DRD2: variants seen among roughly 807,000 people sequenced by gnomAD.
DRD2 encodes the protein D(2) dopamine receptor.
A neutral mutation model predicts 38.0 loss-of-function variants in DRD2; 8 were observed. The ratio of observed to expected loss-of-function variants is 0.21; its 90% CI spans 0.12 to 0.38. The LOEUF (loss-of-function observed/expected upper bound fraction) is 0.38. DRD2 is among the 10% of genes least tolerant of loss of function. The probability of loss-of-function intolerance (pLI) is 1.00; values close to 1 mark genes in which losing one functional copy is unlikely to be tolerated. For missense variants in DRD2, 403 were observed against 607.7 expected (o/e 0.66, Z 3.54); for synonymous variants, 230 against 238.6 (o/e 0.96, Z 0.33).
chr11:113,461,594 A>G (rs1446829342), intron 1 of DRD2, among the ~76,000 whole-genome samples: 1 of 152,236 alleles, frequency 6.6e-6, no homozygotes, highest in East Asian at 1.9e-4. Flanking sequence ...TGTGTGAGGC[A>G]TGGTGAGAGT....
At chr11:113,433,091 G>A (rs1387142563) in intron 1 of DRD2, among the ~76,000 whole-genome samples, 5 of 152,142 alleles carry the variant, frequency 3.3e-5, no homozygotes, top group African/African-American at 1.2e-4. Flanking sequence ...TGGAGCTGGG[G>A]TGTGGAGGGT....
In DRD2 at chr11:113,424,612, C is replaced by G; in HGVS notation, c.40G>C (p.Glu14Gln). The G allele has an allele frequency of 6.2e-7, 1 of 1,614,186 alleles. No homozygotes were observed. Among genetic ancestry groups the G allele is most frequent in the South Asian group, 1.1e-5 (1 of 91,082 alleles). ...LNLSWYDDDL[E>Q]RQNWSRPFNG... Reference sequence around the variant, plus strand: ...AAGGGCCGGCTCCAGTTCTGCCTCTCCAGATCATCATCATACCAGGACAGA... The same window carrying G: ...AAGGGCCGGCTCCAGTTCTGCCTCTGCAGATCATCATCATACCAGGACAGA... Residue 14 changes from glutamate to glutamine, a missense_variant, in exon 2 of 8, where the codon GAG becomes CAG. This residue lies in a region of DRD2 where 162 missense variants were observed against 254.5 expected (regional missense o/e 0.64). Transcript: ENST00000362072.
At chr11:113,465,536 T>C (rs1951360508) in intron 1 of DRD2, among the ~76,000 whole-genome samples, 1 of 152,174 alleles carries the variant, frequency 6.6e-6, no homozygotes, top group Non-Finnish European at 1.5e-5. Flanking sequence ...GAATCCAGTC[T>C]CCTACATAAG....
chr11:113,454,662 T>C (rs907598842), intron 1 of DRD2, among the ~76,000 whole-genome samples: 1 of 152,176 alleles, frequency 6.6e-6, no homozygotes, highest in African/African-American at 2.4e-5. Context: ...GGCACACCCA[T>C]GTTCACTGCA....
chr11:113,446,220 C>A (rs763039386), intron 1 of DRD2, among the ~76,000 whole-genome samples: 4 of 152,142 alleles, frequency 2.6e-5, no homozygotes, highest in Non-Finnish European at 4.4e-5. Flanking sequence ...AGTCACCCCA[C>A]CTCCATGGAT....
intron 1 of DRD2, among the ~76,000 whole-genome samples, chr11:113,452,435 C>CGTGTGTGTGTGT (rs759448996): frequency 5.4e-4 from 71 of 130,386 alleles, no homozygotes; most frequent in African/African-American, 1.1e-3. Flanking sequence ...GGTGTGCATG[C>CGTGTGTGTGTGT]GTGTGTGTGT....
At chr11:113,446,967 G>A (rs995022256) in intron 1 of DRD2, among the ~76,000 whole-genome samples, 1 of 152,230 alleles carries the variant, frequency 6.6e-6, no homozygotes, top group Non-Finnish European at 1.5e-5. Context: ...CTAACTTGCT[G>A]CTGTGGGCTT....
At chr11:113,417,930 C>A (rs779562208) in intron 3 of DRD2, 97 bp downstream of exon 3, 41 of 945,316 alleles carry the variant, frequency 4.3e-5, no homozygotes, top group Non-Finnish European at 6.2e-5. Context: ...AGCTGCACAG[C>A]ATCACAGACA....
At chr11:113,410,945 T>C (rs944868444) in intron 7 of DRD2, 25 bp from the exon 8 acceptor site, 2 of 1,597,254 alleles carry the variant, frequency 1.3e-6, no homozygotes, top group African/African-American at 2.7e-5. Context: ...ATGGTCAGGC[T>C]GGTCCCCAGA....
intron 1 of DRD2, among the ~76,000 whole-genome samples, chr11:113,444,778 C>T (rs183241763): frequency 3.1e-4 from 47 of 152,320 alleles, no homozygotes; most frequent in Admixed American, 1.6e-3. Context: ...ATTGTCCTCA[C>T]GGAGGCCACC....
At chr11:113,431,393 T>G (rs1191749886) in intron 1 of DRD2, among the ~76,000 whole-genome samples, 1 of 152,176 alleles carries the variant, frequency 6.6e-6, no homozygotes, top group African/African-American at 2.4e-5. Flanking sequence ...CTCTGAGGCC[T>G]CCTAGGCTTT....
intron 1 of DRD2, among the ~76,000 whole-genome samples, chr11:113,471,109 G>A (rs1452685173): frequency 6.6e-6 from 1 of 152,154 alleles, no homozygotes; most frequent in Non-Finnish European, 1.5e-5. Context: ...GAGTCTTATA[G>A]TTTTATTACT....
intron 1 of DRD2, among the ~76,000 whole-genome samples, chr11:113,442,928 C>G (rs892192872): frequency 1.3e-5 from 2 of 152,114 alleles, no homozygotes; most frequent in African/African-American, 4.8e-5. Context: ...CTGGGCTCCC[C>G]GAGGGAAGGC....
intron 1 of DRD2, among the ~76,000 whole-genome samples, chr11:113,430,185 C>T (rs1434454680): frequency 1.3e-5 from 2 of 152,148 alleles, no homozygotes; most frequent in Non-Finnish European, 2.9e-5. Flanking sequence ...AAGGAAAAGA[C>T]AAAGCCTGTC....
chr11:113,412,070 C>T, intron 7 of DRD2: 1 of 169,998 alleles, frequency 5.9e-6, no homozygotes, highest in Admixed American at 5.6e-5. Flanking sequence ...AACTGAATTT[C>T]CCAATTCCTC....
intron 1 of DRD2, among the ~76,000 whole-genome samples, chr11:113,452,691 A>G (rs1456012605): frequency 6.8e-6 from 1 of 147,424 alleles, no homozygotes. Flanking sequence ...TTTGTTATCC[A>G]GGCTGGAGTG....
At chr11:113,453,234 A>T (rs1951233476) in intron 1 of DRD2, among the ~76,000 whole-genome samples, 1 of 152,160 alleles carries the variant, frequency 6.6e-6, no homozygotes, top group Admixed American at 6.5e-5. Context: ...CAACAACAAA[A>T]AATACTGAAA....
At position 113,412,631 on chromosome 11, in the gene DRD2, G is replaced by C. The variant is rs1950779963; in HGVS notation, c.1063C>G (p.Leu355Val). ...AGCTTCCTACGGCTCATGGTCTTGA[G>C]GGAGGTCCGGGTTTTGCCATTGGGC... The part of the protein sequence containing the change: ...TMPNGKTRTS[L>V]KTMSRRKLSQ... Residue 355 changes from leucine (L) to valine (V), a missense_variant, in exon 7 of 8, where the codon CTC becomes GTC. Transcript: ENST00000362072. The C allele has an allele frequency of 6.2e-7, 1 of 1,614,058 alleles. No individual in the cohort carries two copies. The highest frequency in any genetic ancestry group is 1.3e-5 in the African/African-American group (1 of 74,924).
At chr11:113,420,660 C>T (rs1439283965) in intron 2 of DRD2, among the ~76,000 whole-genome samples, 1 of 152,190 alleles carries the variant, frequency 6.6e-6, no homozygotes, top group Non-Finnish European at 1.5e-5. Flanking sequence ...ATCCCATGCT[C>T]TCTACTAAGC....
Sources: gnomAD v4.1 joint callset for allele counts (sites outside exome capture counted in the v4.1 genomes callset) on GRCh38, gnomAD v4.1.1 for gene constraint, gnomAD v4.1.1 regional missense constraint, MANE v1.5 for transcripts, NCBI Gene and HGNC (gene_info 2026-07-23, HGNC 2026-07-21) for gene names.